AUTS2: variants seen among roughly 807,000 people sequenced by gnomAD.
The protein encoded by AUTS2 is activator of transcription and developmental regulator AUTS2, also known as autism susceptibility gene 2 protein.
A neutral mutation model predicts 112.4 loss-of-function variants in AUTS2; 17 were observed. The observed-to-expected ratio is 0.15, with a 90% confidence interval of 0.10 to 0.23. The LOEUF is 0.23. Among genes scored for constraint, AUTS2 ranks in the 10% least tolerant of loss-of-function variants. AUTS2 has a pLI of 1.00. For synonymous variants in AUTS2, 751 were observed against 702.7 expected (o/e 1.07, Z -1.09); for missense variants, 1,510 against 1,701.6 (o/e 0.89, Z 1.98).
chr7:70,496,863 A>G (rs1460293504), intron 5 of AUTS2, among the ~76,000 whole-genome samples: 2 of 117,518 alleles, frequency 1.7e-5, no homozygotes, highest in Admixed American at 1.9e-4. Flanking sequence ...ACACACACAC[A>G]CCCCACACAC....
At position 70,763,064 on chromosome 7, in the gene AUTS2, C is replaced by T. The variant is rs1789669656; in HGVS notation, c.937C>T (p.Pro313Ser). 6.2e-7 allele frequency: 1 copy of T among 1,614,102 alleles called. No homozygotes were observed. Residue 313 changes from proline (P) to serine (S), a missense_variant, in exon 7 of 19, where the codon CCC becomes TCC. By Grantham distance (74) the Pro-to-Ser change is moderately conservative. Around this residue, in one of 3 missense-constraint regions of AUTS2, gnomAD observed 535 missense variants for 594.3 expected, o/e 0.90. Transcript: ENST00000342771. ...AQPIPQPQTE[P>S]QLRAPSPDPD... is the part of the protein sequence containing the mutation. ...GCCAATACCCCAGCCGCAGACGGAG[C>T]CCCAACTCCGAGCTCCTTCTCCGGA...
intron 1 of AUTS2, among the ~76,000 whole-genome samples, chr7:69,739,967 G>A (rs1388616345): frequency 1.3e-5 from 2 of 152,188 alleles, no homozygotes; most frequent in Admixed American, 6.5e-5. Flanking sequence ...GGAGAGGACT[G>A]CTAAACTCCC....
chr7:69,768,220 A>C (rs1788512809), intron 1 of AUTS2, among the ~76,000 whole-genome samples: 1 of 152,124 alleles, frequency 6.6e-6, no homozygotes, highest in Non-Finnish European at 1.5e-5. Flanking sequence ...CATCCAAGCC[A>C]CTCACTCTCT....
chr7:70,263,652 G>A (rs1787273511), intron 4 of AUTS2, among the ~76,000 whole-genome samples: 1 of 152,140 alleles, frequency 6.6e-6, no homozygotes, highest in South Asian at 2.1e-4. Context: ...AACAAATTTT[G>A]CATTTAGATT....
chr7:70,579,542 C>T (rs1050120742), intron 5 of AUTS2, among the ~76,000 whole-genome samples: 24 of 152,112 alleles, frequency 1.6e-4, no homozygotes, highest in African/African-American at 5.3e-4. Flanking sequence ...CATATTTACC[C>T]ATGGAACATT....
chr7:70,432,967 G>T (rs972174511), intron 4 of AUTS2, among the ~76,000 whole-genome samples: 1 of 152,156 alleles, frequency 6.6e-6, no homozygotes, highest in East Asian at 1.9e-4. Flanking sequence ...TCACTCACCC[G>T]GCATGTTGTG....
At chr7:69,937,746 A>G (rs1437032991) in intron 2 of AUTS2, among the ~76,000 whole-genome samples, 1 of 152,156 alleles carries the variant, frequency 6.6e-6, no homozygotes, top group Non-Finnish European at 1.5e-5. Context: ...TACCTCTCTG[A>G]AGAGAAGACC....
chr7:70,676,302 C>T (rs979421905), intron 5 of AUTS2, among the ~76,000 whole-genome samples: 1 of 151,436 alleles, frequency 6.6e-6, no homozygotes, highest in African/African-American at 2.4e-5. Context: ...TGGGGTGGTG[C>T]GTACCTGTAG....
chr7:69,670,555 CAAAAAAAAAAAAAAAAAAAAAAAA>C (rs200373158), intron 1 of AUTS2, among the ~76,000 whole-genome samples: 5 of 119,066 alleles, frequency 4.2e-5, no homozygotes, highest in Non-Finnish European at 3.4e-5. Flanking sequence ...CTTGATCCCT[CAAAAAAAAAAAAAAAAAAAAAAAA>C]AAAAAAAAAA....
chr7:70,310,132 TC>T (rs1297857879), intron 4 of AUTS2, among the ~76,000 whole-genome samples: 3 of 145,958 alleles, frequency 2.1e-5, no homozygotes, highest in Non-Finnish European at 3.0e-5. Context: ...ACAAACTAAA[TC>T]TTTTTTTTTT....
At chr7:69,737,279 T>A (rs1159819988) in intron 1 of AUTS2, among the ~76,000 whole-genome samples, 27 of 152,202 alleles carry the variant, frequency 1.8e-4, no homozygotes, top group Admixed American at 1.8e-3. Flanking sequence ...GAGGCTAACA[T>A]TTATCAAATG....
rs982709516 is a variant in AUTS2, at chr7:69,683,462, C to T, written c.309+83500C>T. Among the ~76,000 whole-genome samples, 3 of 152,160 alleles carry T rather than the reference C, an allele frequency of 2.0e-5. No individual in the cohort carries two copies. In the South Asian group the frequency reaches 6.2e-4, roughly 32 times the overall value. ...TTTTCAGTAAAAGAAAAAGCCTCACCGAGGACTCTTTTACCCTCTCTATCT... is the reference window on the plus strand; with the variant it reads ...TTTTCAGTAAAAGAAAAAGCCTCACTGAGGACTCTTTTACCCTCTCTATCT... On this transcript the variant is annotated intron_variant, in intron 1 of 18. Coordinates refer to ENST00000342771, the MANE Select transcript of AUTS2 (RefSeq NM_015570.4).
At chr7:69,833,439 AT>A (rs201306719) in intron 1 of AUTS2, among the ~76,000 whole-genome samples, 2 of 151,376 alleles carry the variant, frequency 1.3e-5, no homozygotes, top group Non-Finnish European at 2.9e-5. Context: ...TATTATCTCA[AT>A]TTTTTTTTCT....
At chr7:70,397,594 C>T (rs1794144153) in intron 4 of AUTS2, among the ~76,000 whole-genome samples, 1 of 151,386 alleles carries the variant, frequency 6.6e-6, no homozygotes, top group Non-Finnish European at 1.5e-5. Flanking sequence ...AAGAAATAAT[C>T]TAAAATAAAA....
chr7:69,794,099 G>T (rs766407184), intron 1 of AUTS2, among the ~76,000 whole-genome samples: 39 of 152,124 alleles, frequency 2.6e-4, no homozygotes, highest in Non-Finnish European at 5.4e-4. Context: ...CACTGCCTTT[G>T]GAACCCCTTT....
chr7:70,036,128 G>GTT lies in AUTS2; in HGVS notation c.523-82002_523-82001dup, dbSNP rs921095255. ...AAGGTAGCGGCGCCGGCCAGAGGTG[G>GTT]TTTGAGAGGCAAAGCAGCACCACAG... On this transcript the variant is annotated intron_variant, in intron 2 of 18. Coordinates refer to ENST00000342771, the MANE Select transcript of AUTS2 (RefSeq NM_015570.4). Among the ~76,000 whole-genome samples, 22 of 152,316 alleles carry GTT rather than the reference G, an allele frequency of 1.4e-4. No homozygotes were observed. In the East Asian group the frequency reaches 4.3e-3, roughly 29 times the overall value.
At chr7:70,741,998 G>A (rs1298575546) in intron 6 of AUTS2, among the ~76,000 whole-genome samples, 2 of 152,130 alleles carry the variant, frequency 1.3e-5, no homozygotes, top group Non-Finnish European at 2.9e-5. Context: ...TGTACTTTTT[G>A]CAGACAAAAT....
At chr7:70,090,404 C>T (rs1803851875) in intron 2 of AUTS2, among the ~76,000 whole-genome samples, 2 of 152,006 alleles carry the variant, frequency 1.3e-5, no homozygotes, top group Admixed American at 1.3e-4. Context: ...TGCTCTGTCA[C>T]CCAGGCTGGA....
At chr7:70,439,868 A>T (rs1017010450) in intron 5 of AUTS2, among the ~76,000 whole-genome samples, 1 of 152,190 alleles carries the variant, frequency 6.6e-6, no homozygotes, top group Non-Finnish European at 1.5e-5. Context: ...ATTAAAAGTC[A>T]TTCCCTGTTC....
Sources: allele counts gnomAD v4.1 joint callset (sites outside exome capture counted in the v4.1 genomes callset), GRCh38; gene constraint gnomAD v4.1.1; regional missense constraint gnomAD v4.1.1; transcripts MANE v1.5; gene names NCBI Gene and HGNC (gene_info 2026-07-23, HGNC 2026-07-21).